GPR39: variants seen among roughly 807,000 people sequenced by gnomAD.
The protein encoded by GPR39 is zinc sensing receptor.
Under a neutral mutation model 18.4 loss-of-function variants are expected in GPR39, and 23 were observed. The ratio of observed to expected loss-of-function variants is 1.25; its 90% CI spans 0.90 to 1.77. GPR39 has a LOEUF of 1.77. Among genes scored for constraint, GPR39 ranks in the 40% most tolerant of loss-of-function variants. The pLI is 0.00. For synonymous variants in GPR39, 280 were observed against 257.9 expected (o/e 1.09, Z -0.82); for missense variants, 647 against 602.4 (o/e 1.07, Z -0.78).
intron 1 of GPR39, among the ~76,000 whole-genome samples, chr2:132,562,220 A>G (rs566505121): frequency 1.3e-5 from 2 of 152,012 alleles, no homozygotes; most frequent in South Asian, 4.2e-4. Flanking sequence ...CACTGCTTTC[A>G]TCTCTTCTCC....
chr2:132,478,624 G>A (rs1182360684), intron 1 of GPR39, among the ~76,000 whole-genome samples: 2 of 152,326 alleles, frequency 1.3e-5, no homozygotes, highest in African/African-American at 4.8e-5. Context: ...ATTAACTGGT[G>A]TCTGACATCT....
intron 1 of GPR39, among the ~76,000 whole-genome samples, chr2:132,431,370 G>A (rs779756189): frequency 3.9e-5 from 6 of 152,152 alleles, no homozygotes; most frequent in African/African-American, 4.8e-5. Context: ...ATGGAAAATA[G>A]GAAACATATG....
intron 1 of GPR39, among the ~76,000 whole-genome samples, chr2:132,457,233 C>A (rs1680744605): frequency 6.6e-6 from 1 of 152,126 alleles, no homozygotes; most frequent in African/African-American, 2.4e-5. Flanking sequence ...TTAATTTGAT[C>A]TTCAATCACT....
At chr2:132,543,296 A>G (rs1455520337) in intron 1 of GPR39, among the ~76,000 whole-genome samples, 1 of 152,172 alleles carries the variant, frequency 6.6e-6, no homozygotes, top group Non-Finnish European at 1.5e-5. Flanking sequence ...TCAGGCCCTT[A>G]GACTGAGACA....
In GPR39 at chr2:132,646,351, A is replaced by C. The variant is rs1682077408; in HGVS notation, c.*745A>C. The C allele has an allele frequency of 9.3e-7, 1 of 1,074,030 alleles. No individual in the cohort carries two copies. 66.5% of individuals were successfully genotyped at this position (1,074,030 alleles called of 1,614,324 possible). ...AGAATAGCTGTCCCTCTCAGCCCAA[A>C]TCCAAACGGACAGCTCTTCCTTACT... On this transcript the variant is annotated 3_prime_UTR_variant, in exon 2 of 2. Transcript: ENST00000329321.
chr2:132,596,969 T>G (rs1680960522), intron 1 of GPR39, among the ~76,000 whole-genome samples: 1 of 152,216 alleles, frequency 6.6e-6, no homozygotes, highest in Non-Finnish European at 1.5e-5. Flanking sequence ...AACTGATGTT[T>G]CCGTTTTTCA....
chr2:132,583,060 G>C (rs1015841834), intron 1 of GPR39, among the ~76,000 whole-genome samples: 1 of 151,376 alleles, frequency 6.6e-6, no homozygotes, highest in Non-Finnish European at 1.5e-5. Context: ...ACCATACCCA[G>C]CTAATTATTT....
intron 1 of GPR39, among the ~76,000 whole-genome samples, chr2:132,570,367 G>A (rs986788863): frequency 2.0e-5 from 3 of 151,858 alleles, no homozygotes. Context: ...CCCTCCAGCC[G>A]CACTTCCTCA....
intron 1 of GPR39, among the ~76,000 whole-genome samples, chr2:132,513,274 A>C (rs950621351): frequency 2.7e-5 from 4 of 148,958 alleles, no homozygotes; most frequent in Non-Finnish European, 5.9e-5. Flanking sequence ...CCAGTGCAGA[A>C]TCAACAGTCT....
chr2:132,538,416 G>T (rs1679800178), intron 1 of GPR39, among the ~76,000 whole-genome samples: 2 of 152,208 alleles, frequency 1.3e-5, no homozygotes, highest in Non-Finnish European at 2.9e-5. Flanking sequence ...GCTCCTTCCT[G>T]TGGAAGCTTC....
intron 1 of GPR39, among the ~76,000 whole-genome samples, chr2:132,478,461 A>G (rs1247269984): frequency 6.6e-6 from 1 of 152,216 alleles, no homozygotes; most frequent in Non-Finnish European, 1.5e-5. Flanking sequence ...TAAAATCTAC[A>G]TCTAATTTAT....
Position 132,423,015 on chromosome 2 carries a change from C to T in GPR39, c.856+5117C>T, listed in dbSNP as rs185330239. Among the ~76,000 whole-genome samples, 239 of 152,060 alleles carry T rather than the reference C, an allele frequency of 1.6e-3. 1 individual carries two copies. The highest frequency in any genetic ancestry group is 3.8e-3 in the South Asian group (18 of 4,794). The stretch of plus-strand genomic sequence containing the variant: ...AGCCATTTACGAGTTGAGACAGCGC[C>T]GTGGAAGAATATTGAATTGGGAGTC... On this transcript the variant is annotated intron_variant, in intron 1 of 1. Coordinates refer to ENST00000329321, the MANE Select transcript of GPR39 (RefSeq NM_001508.3).
intron 1 of GPR39, among the ~76,000 whole-genome samples, chr2:132,542,283 G>A (rs768540782): frequency 1.3e-5 from 2 of 152,152 alleles, no homozygotes; most frequent in Admixed American, 1.3e-4. Context: ...ATAAATGAAG[G>A]CAAAATGAAA....
chr2:132,466,435 A>C (rs945813163), intron 1 of GPR39, among the ~76,000 whole-genome samples: 4 of 152,034 alleles, frequency 2.6e-5, no homozygotes, highest in African/African-American at 9.7e-5. Context: ...AATGAAATGC[A>C]TTTTTCAGGA....
At chr2:132,559,388 C>A (rs536515754) in intron 1 of GPR39, among the ~76,000 whole-genome samples, 1 of 152,018 alleles carries the variant, frequency 6.6e-6, no homozygotes, top group Non-Finnish European at 1.5e-5. Flanking sequence ...TTTAAACAGG[C>A]GTGACTTTCC....
intron 1 of GPR39, among the ~76,000 whole-genome samples, chr2:132,454,894 T>C (rs1390876126): frequency 6.6e-6 from 1 of 152,232 alleles, no homozygotes; most frequent in African/African-American, 2.4e-5. Context: ...AGTATTATAT[T>C]GAGGATTTTT....
intron 1 of GPR39, among the ~76,000 whole-genome samples, chr2:132,441,240 G>A (rs1326036804): frequency 6.6e-6 from 1 of 152,154 alleles, no homozygotes; most frequent in Non-Finnish European, 1.5e-5. Context: ...AAACAAGTGG[G>A]ATGCAGAGCC....
At chr2:132,525,976 A>G (rs1463866766) in intron 1 of GPR39, among the ~76,000 whole-genome samples, 1 of 152,212 alleles carries the variant, frequency 6.6e-6, no homozygotes, top group Non-Finnish European at 1.5e-5. Flanking sequence ...TGACATCATG[A>G]CAAATGGCTT....
chr2:132,418,034 T>C, intron 1 of GPR39, 136 bp downstream of exon 1: 1 of 1,109,766 alleles, frequency 9.0e-7, no homozygotes, highest in Non-Finnish European at 1.3e-6. Flanking sequence ...TGGAAGAGTC[T>C]TGTAGCAGTA....
Sources: allele counts gnomAD v4.1 joint callset (sites outside exome capture counted in the v4.1 genomes callset), GRCh38; gene constraint gnomAD v4.1.1; transcripts MANE v1.5; gene names NCBI Gene and HGNC (gene_info 2026-07-23, HGNC 2026-07-21).